The following MIPEP variants were observed in gnomAD, a reference collection of about 807,000 sequenced individuals.
MIPEP encodes mitochondrial intermediate peptidase.
In MIPEP, 79 loss-of-function variants were observed where a neutral mutation model predicts 90.3. That is an observed-to-expected ratio of 0.87 (90% CI 0.73 to 1.05). The LOEUF (loss-of-function observed/expected upper bound fraction) is 1.05, where lower values mean the gene tolerates loss of function less well. Ranked by LOEUF, MIPEP falls within the 50% of genes least tolerant of loss-of-function variation. MIPEP has a pLI of 0.00. For synonymous variants in MIPEP, 334 were observed against 315.8 expected, an observed-to-expected ratio of 1.06 and a Z score of -0.61; for missense variants, 940 against 905.6, an observed-to-expected ratio of 1.04 and a Z score of -0.49.
intron 16 of MIPEP, among the ~76,000 whole-genome samples, chr13:23,783,515 G>A (rs955478478): frequency 1.1e-4 from 17 of 152,270 alleles, no homozygotes; most frequent in South Asian, 8.3e-4. Context: ...GCAAAAACTG[G>A]AAGCATTCCC....
intron 17 of MIPEP, among the ~76,000 whole-genome samples, chr13:23,759,480 C>T (rs76737125): frequency 0.014 from 2,149 of 150,264 alleles, 25 homozygotes; most frequent in Non-Finnish European, 0.021. Context: ...CAAGACAGCA[C>T]GGGACGGGAT....
chr13:23,813,917 A>C (rs1325410227), intron 14 of MIPEP, among the ~76,000 whole-genome samples: 4 of 152,224 alleles, frequency 2.6e-5, no homozygotes, highest in Non-Finnish European at 5.9e-5. Flanking sequence ...CCTAAACACA[A>C]GACTCTCACA....
At chr13:23,853,460 C>T (rs925053226) in intron 10 of MIPEP, among the ~76,000 whole-genome samples, 5 of 151,994 alleles carry the variant, frequency 3.3e-5, no homozygotes, top group East Asian at 1.9e-4. Flanking sequence ...AGCCTAGGAG[C>T]GACAGGCTAT....
chr13:23,834,034 G>GACCCCTT, intron 14 of MIPEP, among the ~76,000 whole-genome samples: 1 of 152,110 alleles, frequency 6.6e-6, no homozygotes, highest in South Asian at 2.1e-4. Flanking sequence ...CTCCCACCCT[G>GACCCCTT]ACCCCTTCAC....
chr13:23,828,757 T>C (rs1050439833), intron 14 of MIPEP, among the ~76,000 whole-genome samples: 2 of 152,216 alleles, frequency 1.3e-5, no homozygotes, highest in African/African-American at 4.8e-5. Context: ...AGAAATTTAA[T>C]GTAATCCCAA....
In MIPEP at chr13:23,841,393, G is replaced by A; in HGVS notation, c.1202C>T (p.Ser401Leu). 6.2e-7 allele frequency: 1 copy of A among 1,614,066 alleles called. No individual in the cohort carries two copies. The highest frequency in any genetic ancestry group is 8.5e-7 in the Non-Finnish European group (1 of 1,180,024). Residue 401 changes from serine to leucine, a missense_variant, in exon 11 of 19, where the codon TCA (serine) becomes TTA (leucine). By Grantham distance (145) the Ser-to-Leu change is moderately radical. Coordinates refer to ENST00000382172, the MANE Select transcript of MIPEP (RefSeq NM_005932.4). ...NILLNRLLGI[S>L]LYAEQPAKGE... ...TTTTGCAGGCTGCTCTGCATATAAT[G>A]AAATCCCCAACAGTCTGTTAAGCAA...
chr13:23,802,581 A>G (rs1473558116), intron 16 of MIPEP, among the ~76,000 whole-genome samples: 1 of 152,038 alleles, frequency 6.6e-6, no homozygotes, highest in Non-Finnish European at 1.5e-5. Context: ...GCAGGGGGGG[A>G]AGTCAGTTTT....
chr13:23,746,633 C>CA (rs34666099), intron 18 of MIPEP, among the ~76,000 whole-genome samples: 36,012 of 99,096 alleles, frequency 0.36, 5,980 homozygotes, highest in Middle Eastern at 0.45. Context: ...GACTCCCTCT[C>CA]AAAAAAAAAA....
At chr13:23,765,520 C>T (rs760714568) in intron 16 of MIPEP, among the ~76,000 whole-genome samples, 11 of 152,188 alleles carry the variant, frequency 7.2e-5, no homozygotes, top group Non-Finnish European at 1.2e-4. Context: ...TAGCTTCAGG[C>T]ATCCACCTGG....
At chr13:23,767,590 T>A (rs1285400315) in intron 16 of MIPEP, among the ~76,000 whole-genome samples, 1 of 152,032 alleles carries the variant, frequency 6.6e-6, no homozygotes, top group South Asian at 2.1e-4. Flanking sequence ...TAGCTGGGAC[T>A]ACAGGCACGT....
At chr13:23,736,804 A>G (rs1222182288) in intron 18 of MIPEP, among the ~76,000 whole-genome samples, 1 of 152,140 alleles carries the variant, frequency 6.6e-6, no homozygotes, top group African/African-American at 2.4e-5. Flanking sequence ...TGCACCAGAC[A>G]CTGTCCTAAG....
chr13:23,879,305 C>G lies in MIPEP; in HGVS notation c.502G>C (p.Asp168His), dbSNP rs779864432. The stretch of plus-strand genomic sequence containing the variant: ...TCAAGGGAATCCACAAGTTTTTTAT[C>G]AGCTAGTAATTTTTGCAAACTTTGA... ...LYQSLQKLLA[D>H]KKLVDSLDPE... is the part of the protein sequence containing the mutation. Residue 168 changes from aspartate to histidine, a missense_variant, in exon 4 of 19, where the codon GAT becomes CAT. Coordinates refer to ENST00000382172, the MANE Select transcript of MIPEP (RefSeq NM_005932.4). 4 of 1,607,236 alleles carry G rather than the reference C, an allele frequency of 2.5e-6. No individual in the cohort carries two copies. The highest frequency in any genetic ancestry group is 3.4e-6 in the Non-Finnish European group (4 of 1,174,448).
chr13:23,751,924 TAA>T (rs5802250), intron 18 of MIPEP, among the ~76,000 whole-genome samples: 1 of 146,930 alleles, frequency 6.8e-6, no homozygotes. Flanking sequence ...GTTGCGACAT[TAA>T]AAAAAAAAAA....
At chr13:23,741,312 T>C (rs2138489200) in intron 18 of MIPEP, among the ~76,000 whole-genome samples, 1 of 152,230 alleles carries the variant, frequency 6.6e-6, no homozygotes. Flanking sequence ...AGCAATCCCA[T>C]TACTGGTTAA....
At chr13:23,756,700 A>G in intron 17 of MIPEP, 82 bp from the exon 18 acceptor site, 1 of 1,332,044 alleles carries the variant, frequency 7.5e-7, no homozygotes, top group South Asian at 1.2e-5. Context: ...AGAAAGCCAC[A>G]CTGATGCCAT....
chr13:23,758,154 G>A (rs1298977728), intron 17 of MIPEP, among the ~76,000 whole-genome samples: 1 of 152,120 alleles, frequency 6.6e-6, no homozygotes, highest in Non-Finnish European at 1.5e-5. Flanking sequence ...TGGCTGAGGG[G>A]CCCTGCCTGA....
In MIPEP at chr13:23,784,298, C is replaced by A. The variant is rs550553884; in HGVS notation, c.1848+21652G>T. On this transcript the variant is annotated intron_variant, in intron 16 of 18. Coordinates refer to ENST00000382172, the MANE Select transcript of MIPEP (RefSeq NM_005932.4). ...CTGGTACCAAAACAGAGATATAGAC[C>A]AATGGAACAGAACAGAGCCCTCAGA... is the stretch of plus-strand genomic sequence containing the variant. Among the ~76,000 whole-genome samples, 41 of 150,862 alleles carry A rather than the reference C, an allele frequency of 2.7e-4. No individual in the cohort carries two copies. The South Asian group carries it at 5.4e-3, about 20-fold the overall frequency.
intron 16 of MIPEP, among the ~76,000 whole-genome samples, chr13:23,788,372 T>A (rs1952869024): frequency 6.6e-6 from 1 of 152,208 alleles, no homozygotes; most frequent in African/African-American, 2.4e-5. Flanking sequence ...GCATACAACA[T>A]GTCATCACAG....
intron 14 of MIPEP, among the ~76,000 whole-genome samples, chr13:23,822,092 C>T (rs890029205): frequency 1.3e-5 from 2 of 152,054 alleles, no homozygotes; most frequent in Admixed American, 6.5e-5. Flanking sequence ...TTTGTACTAC[C>T]GTAACAGTGG....
Sources: gnomAD v4.1 joint callset for allele counts (sites outside exome capture counted in the v4.1 genomes callset) on GRCh38, gnomAD v4.1.1 for gene constraint, MANE v1.5 for transcripts, NCBI Gene and HGNC (gene_info 2026-07-23, HGNC 2026-07-21) for gene names.